ITPR2: variants seen among roughly 807,000 people sequenced by gnomAD.
The protein encoded by ITPR2 is inositol 1,4,5-trisphosphate-gated calcium channel ITPR2.
In ITPR2, 207 loss-of-function variants were observed where a neutral mutation model predicts 317.1. That is an observed-to-expected ratio of 0.65 (90% CI 0.58 to 0.73). ITPR2 has a LOEUF of 0.73. Among genes scored for constraint, ITPR2 ranks in the 30% least tolerant of loss-of-function variants. ITPR2 has a pLI of 0.00. For missense variants in ITPR2, 2,613 were observed against 3,284.0 expected (o/e 0.80, Z 4.99); for synonymous variants, 1,156 against 1,149.1 (o/e 1.01, Z -0.12).
At chr12:26,396,606 C>T (rs965452459) in intron 54 of ITPR2, among the ~76,000 whole-genome samples, 4 of 152,122 alleles carry the variant, frequency 2.6e-5, no homozygotes, top group African/African-American at 9.7e-5. Context: ...CTCTCTGCTT[C>T]TCTTCTCACT....
At chr12:26,492,537 T>C (rs1282184318) in intron 39 of ITPR2, among the ~76,000 whole-genome samples, 1 of 152,184 alleles carries the variant, frequency 6.6e-6, no homozygotes, top group African/African-American at 2.4e-5. Flanking sequence ...CTGGACACTT[T>C]CTCTAGAAAG....
At chr12:26,649,464 T>C (rs1947192606) in intron 21 of ITPR2, 1 of 152,242 alleles carries the variant, frequency 6.6e-6, no homozygotes, top group Non-Finnish European at 1.5e-5. Flanking sequence ...ATATCTTCTA[T>C]AGATAATATT....
chr12:26,472,868 T>C (rs915903225), intron 45 of ITPR2, among the ~76,000 whole-genome samples: 1 of 150,016 alleles, frequency 6.7e-6, no homozygotes, highest in Non-Finnish European at 1.5e-5. Flanking sequence ...CTGTACTCTG[T>C]TTTTTTTTGT....
At chr12:26,394,039 C>T (rs1190447285) in intron 54 of ITPR2, among the ~76,000 whole-genome samples, 1 of 152,082 alleles carries the variant, frequency 6.6e-6, no homozygotes, top group African/African-American at 2.4e-5. Flanking sequence ...ATCTGGTTCT[C>T]TTAAAGAAGA....
intron 55 of ITPR2, among the ~76,000 whole-genome samples, chr12:26,357,221 T>A (rs775173972): frequency 2.6e-5 from 4 of 151,864 alleles, no homozygotes; most frequent in Non-Finnish European, 5.9e-5. Context: ...AGGGTTGGGG[T>A]TTCAAGTCAG....
chr12:26,536,182 A>G (rs1009235217), intron 37 of ITPR2, among the ~76,000 whole-genome samples: 1 of 152,206 alleles, frequency 6.6e-6, no homozygotes, highest in East Asian at 1.9e-4. Context: ...TAGGTGGAAT[A>G]TTAAAAGAAA....
intron 10 of ITPR2, among the ~76,000 whole-genome samples, chr12:26,693,682 T>G (rs931124970): frequency 6.6e-6 from 1 of 152,206 alleles, no homozygotes; most frequent in Admixed American, 6.5e-5. Flanking sequence ...AATACACAGA[T>G]GCAAAACCAC....
chr12:26,671,004 G>T (rs1042826190), intron 13 of ITPR2, among the ~76,000 whole-genome samples: 22 of 152,066 alleles, frequency 1.4e-4, no homozygotes, highest in African/African-American at 5.1e-4. Context: ...AGAGAAAAAA[G>T]AATAAAAAGA....
At chr12:26,610,328 T>C (rs999593477) in intron 26 of ITPR2, among the ~76,000 whole-genome samples, 2 of 152,196 alleles carry the variant, frequency 1.3e-5, no homozygotes, top group African/African-American at 4.8e-5. Context: ...ACCTTCTTAA[T>C]ATATATCCTT....
rs758069126 is a variant in ITPR2 at position 26,578,830 on chromosome 12, G to A, written c.4513C>T (p.His1505Tyr). ...AGTAGCTGAATAAAAACTGGCTGATGTGTCTAAAACCAGAAAGAAGGTAGG... is the reference window on the plus strand; with the variant it reads ...AGTAGCTGAATAAAAACTGGCTGATATGTCTAAAACCAGAAAGAAGGTAGG... ...FSDNSTSLQTHQPVFIQLLQS... is the reference protein window; with the variant it reads ...FSDNSTSLQTYQPVFIQLLQS... The change falls in exon 34 of 57, where the codon CAT becomes TAT. Residue 1505 changes from histidine to tyrosine, a missense_variant. His to Tyr is a moderately conservative substitution (Grantham distance 83). Coordinates refer to ENST00000381340, the MANE Select transcript of ITPR2 (RefSeq NM_002223.4). 4 of 1,608,368 alleles carry A rather than the reference G, an allele frequency of 2.5e-6. No individual in the cohort carries two copies. Among genetic ancestry groups the A allele is most frequent in the Non-Finnish European group, 3.4e-6 (4 of 1,175,908 alleles).
intron 2 of ITPR2, among the ~76,000 whole-genome samples, chr12:26,771,464 A>G (rs1949842118): frequency 6.6e-6 from 1 of 152,164 alleles, no homozygotes; most frequent in Admixed American, 6.5e-5. Context: ...TTTCTACTAT[A>G]TATAGAAGTC....
intron 2 of ITPR2, among the ~76,000 whole-genome samples, chr12:26,730,790 C>T (rs895970323): frequency 6.6e-6 from 1 of 152,172 alleles, no homozygotes; most frequent in East Asian, 1.9e-4. Context: ...AGCCTGCTTA[C>T]TTACAAATGC....
rs769867195 is a variant in ITPR2 at position 26,400,185 on chromosome 12, G to A, written c.7473C>T (p.Asn2491=). 3 of 1,611,576 alleles carry A rather than the reference G, an allele frequency of 1.9e-6. No homozygotes were observed. The Admixed American group carries it at 5.0e-5, about 27-fold the overall frequency. ...TLLMCIVTVL[N]QGLRNGGGVG... is the part of the protein sequence containing the mutation. ...CACCACCGCCATTCCTGAGGCCCTG[G>A]TTCAGCACGGTGACAATGCACATAA... The change falls in exon 53 of 57, where the codon AAC becomes AAT. Residue 2491 remains asparagine, a synonymous_variant. Coordinates refer to ENST00000381340, the MANE Select transcript of ITPR2 (RefSeq NM_002223.4).
chr12:26,461,148 C>T (rs1281695542), intron 45 of ITPR2, among the ~76,000 whole-genome samples: 1 of 152,130 alleles, frequency 6.6e-6, no homozygotes, highest in African/African-American at 2.4e-5. Context: ...AGAACCTCTA[C>T]ATGTATGTCA....
intron 21 of ITPR2, among the ~76,000 whole-genome samples, chr12:26,641,767 A>G (rs1029586140): frequency 6.6e-6 from 1 of 152,130 alleles, no homozygotes; most frequent in Non-Finnish European, 1.5e-5. Flanking sequence ...TGTGCATTTG[A>G]TTTTTAAAAG....
chr12:26,556,569 TGTGTGTG>T (rs1944669647), intron 35 of ITPR2, among the ~76,000 whole-genome samples, 194 bp from the exon 36 acceptor site: 1 of 121,862 alleles, frequency 8.2e-6, no homozygotes, highest in African/African-American at 3.7e-5. Flanking sequence ...TTTTTTTTTG[TGTGTGTG>T]TGTGTGTGTG....
chr12:26,339,101 C>G lies in ITPR2; in HGVS notation c.*296G>C, dbSNP rs1209292682. The G allele has an allele frequency of 3.5e-6, 1 of 289,796 alleles. No homozygotes were observed. The highest frequency in any genetic ancestry group is 2.2e-5 in the African/African-American group (1 of 45,464). 18.0% of individuals were successfully genotyped at this position (289,796 alleles called of 1,614,324 possible). A position where few individuals can be genotyped will look rare whatever the true frequency, so the allele number is the denominator to read the frequency against. On this transcript the variant is annotated 3_prime_UTR_variant, in exon 57 of 57. Transcript: ENST00000381340. ...GAAGAGAGTTCTCCCTGCCCCGTGTCTCCTTCCATCCTGCCGCTCCCTGCC... is the reference window on the plus strand; with the variant it reads ...GAAGAGAGTTCTCCCTGCCCCGTGTGTCCTTCCATCCTGCCGCTCCCTGCC...
chr12:26,737,499 C>T (rs1949146645), intron 2 of ITPR2, among the ~76,000 whole-genome samples: 1 of 152,104 alleles, frequency 6.6e-6, no homozygotes, highest in South Asian at 2.1e-4. Context: ...GTGATCTGCC[C>T]ACCTCGGCCT....
At chr12:26,522,985 G>C (rs1211420505) in intron 37 of ITPR2, among the ~76,000 whole-genome samples, 1 of 152,214 alleles carries the variant, frequency 6.6e-6, no homozygotes, top group Non-Finnish European at 1.5e-5. Context: ...TTGGGTTTCA[G>C]CTCAGTGTCT....
Sources: allele counts gnomAD v4.1 joint callset (sites outside exome capture counted in the v4.1 genomes callset), GRCh38; gene constraint gnomAD v4.1.1; transcripts MANE v1.5; gene names NCBI Gene and HGNC (gene_info 2026-07-23, HGNC 2026-07-21).